Variants in CSGALNACT1 observed in about 807,000 individuals in gnomAD.
CSGALNACT1 encodes beta4GalNAcT-1.
A neutral mutation model predicts 51.0 loss-of-function variants in CSGALNACT1; 52 were observed. That is an observed-to-expected ratio of 1.02 (90% CI 0.82 to 1.29). The LOEUF (loss-of-function observed/expected upper bound fraction) is 1.29. Among genes scored for constraint, CSGALNACT1 ranks in the 50% most tolerant of loss-of-function variants. The pLI is 0.00. For synonymous variants in CSGALNACT1, 341 were observed against 254.4 expected, an observed-to-expected ratio of 1.34 and a Z score of -3.24; for missense variants, 935 against 679.2, an observed-to-expected ratio of 1.38 and a Z score of -4.19.
At chr8:19,416,260 G>A (rs891594518) in intron 8 of CSGALNACT1, among the ~76,000 whole-genome samples, 7 of 151,856 alleles carry the variant, frequency 4.6e-5, no homozygotes, top group East Asian at 1.9e-4. Context: ...GATTACAGGC[G>A]CATACCACCA....
At chr8:19,680,579 C>CA (rs1554803976) in intron 1 of CSGALNACT1, among the ~76,000 whole-genome samples, 11 of 104,774 alleles carry the variant, frequency 1.0e-4, no homozygotes, top group Non-Finnish European at 1.5e-4. Context: ...CCCCCCCCCC[C>CA]ACAAAAAAAG....
At chr8:19,744,412 G>T (rs975939956) in intron 1 of CSGALNACT1, among the ~76,000 whole-genome samples, 3 of 152,122 alleles carry the variant, frequency 2.0e-5, no homozygotes, top group African/African-American at 7.2e-5. Flanking sequence ...AACCACTTTT[G>T]CTGATGTCAG....
At chr8:19,707,700 T>TA (rs61354447) in intron 1 of CSGALNACT1, among the ~76,000 whole-genome samples, 62,050 of 151,834 alleles carry the variant, frequency 0.41, 13,054 homozygotes, top group East Asian at 0.65. Flanking sequence ...AAAAAACCCC[T>TA]AAACTATATT....
At chr8:19,575,057 C>T (rs2043877601) in intron 3 of CSGALNACT1, among the ~76,000 whole-genome samples, 1 of 151,980 alleles carries the variant, frequency 6.6e-6, no homozygotes, top group African/African-American at 2.4e-5. Context: ...ATTCCTCTCT[C>T]CTCTCCATAA....
intron 3 of CSGALNACT1, among the ~76,000 whole-genome samples, chr8:19,544,877 G>A (rs1253940760): frequency 6.6e-6 from 1 of 152,090 alleles, no homozygotes; most frequent in Non-Finnish European, 1.5e-5. Context: ...TCCCCAAGAA[G>A]ACAACAAAGG....
intron 5 of CSGALNACT1, among the ~76,000 whole-genome samples, chr8:19,446,655 A>G (rs972241659): frequency 6.6e-6 from 1 of 152,148 alleles, no homozygotes; most frequent in African/African-American, 2.4e-5. Flanking sequence ...CTGGGACCAC[A>G]GGTGTGTGCC....
At chr8:19,407,222 T>TG (rs2054400679) in intron 9 of CSGALNACT1, among the ~76,000 whole-genome samples, 1 of 151,976 alleles carries the variant, frequency 6.6e-6, no homozygotes, top group Non-Finnish European at 1.5e-5. Flanking sequence ...GTGATTTCCT[T>TG]GGGGGGTTCT....
chr8:19,573,989 C>T (rs13260841), intron 3 of CSGALNACT1, among the ~76,000 whole-genome samples: 42,821 of 151,978 alleles, frequency 0.28, 6,698 homozygotes, highest in African/African-American at 0.43. Flanking sequence ...GATGCTATGA[C>T]GGCTCACTGC....
intron 5 of CSGALNACT1, among the ~76,000 whole-genome samples, chr8:19,454,281 G>A (rs1399565820): frequency 6.6e-6 from 1 of 152,196 alleles, no homozygotes; most frequent in Non-Finnish European, 1.5e-5. Context: ...ATTGGAAGAG[G>A]ACTGCTGATG....
chr8:19,588,683 C>G (rs889150085), intron 3 of CSGALNACT1, among the ~76,000 whole-genome samples: 3 of 152,122 alleles, frequency 2.0e-5, no homozygotes, highest in Admixed American at 6.6e-5. Flanking sequence ...AAATAAATAT[C>G]AAGTTAATTG....
At chr8:19,495,268 A>G (rs141340808) in intron 4 of CSGALNACT1, 2 of 152,330 alleles carry the variant, frequency 1.3e-5, no homozygotes, top group African/African-American at 4.8e-5. Flanking sequence ...GAAATTTACA[A>G]TGCCAGGAAA....
chr8:19,584,273 T>C (rs868560641), intron 3 of CSGALNACT1, among the ~76,000 whole-genome samples: 2 of 152,338 alleles, frequency 1.3e-5, no homozygotes. Context: ...TAGAATCCTG[T>C]GGTCCCAGGC....
chr8:19,753,732 C>G (rs1270398067), intron 1 of CSGALNACT1, among the ~76,000 whole-genome samples: 2 of 152,088 alleles, frequency 1.3e-5, no homozygotes, highest in Admixed American at 6.5e-5. Flanking sequence ...TCATGGAAAA[C>G]CTGAAAATAT....
intron 1 of CSGALNACT1, among the ~76,000 whole-genome samples, chr8:19,656,759 T>C (rs1027123181): frequency 2.6e-5 from 4 of 152,132 alleles, no homozygotes; most frequent in Non-Finnish European, 4.4e-5. Flanking sequence ...AATAGCTAAA[T>C]AGAACTTTTA....
intron 1 of CSGALNACT1, among the ~76,000 whole-genome samples, chr8:19,666,951 GAAAGAAAGAA>G (rs2059322702): frequency 1.4e-4 from 2 of 14,262 alleles, no homozygotes; most frequent in Non-Finnish European, 2.4e-4. Flanking sequence ...GAAAAAGAAA[GAAAGAAAGAA>G]AGAAAGAAAG....
rs78732058 is a variant in CSGALNACT1 at position 19,740,102 on chromosome 8, C to T, written c.-297+17748G>A. On this transcript the variant is annotated intron_variant, in intron 1 of 1. Coordinates refer to the CSGALNACT1 transcript ENST00000517494. ...GCCCCCAACCCTACCCCTGCAGCCC[C>T]TAAAATTCACTCCACAAGCTCTCCG... Among the ~76,000 whole-genome samples, 1,188 of 152,280 alleles carry T rather than the reference C, an allele frequency of 7.8e-3. 14 individuals are homozygous for T. The highest frequency in any genetic ancestry group is 0.027 in the African/African-American group (1,119 of 41,544).
At chr8:19,519,872 T>C (rs1377846883) in intron 3 of CSGALNACT1, among the ~76,000 whole-genome samples, 7 of 152,184 alleles carry the variant, frequency 4.6e-5, no homozygotes, top group Admixed American at 3.9e-4. Flanking sequence ...ACAGGCATTA[T>C]GGAAGAATGG....
intron 4 of CSGALNACT1, among the ~76,000 whole-genome samples, chr8:19,468,257 CG>C (rs1239715614): frequency 6.6e-6 from 1 of 152,116 alleles, no homozygotes; most frequent in African/African-American, 2.4e-5. Flanking sequence ...GAAAGATAAT[CG>C]TGGAAGCAAA....
At chr8:19,670,609 T>C (rs997912484) in intron 1 of CSGALNACT1, among the ~76,000 whole-genome samples, 1 of 116,882 alleles carries the variant, frequency 8.6e-6, no homozygotes, top group Non-Finnish European at 1.6e-5. Flanking sequence ...AAGTAGGTGA[T>C]ATCAACCCTC....
Sources: allele counts gnomAD v4.1 joint callset (sites outside exome capture counted in the v4.1 genomes callset), GRCh38; gene constraint gnomAD v4.1.1; transcripts MANE v1.5; gene names NCBI Gene and HGNC (gene_info 2026-07-23, HGNC 2026-07-21).